Variants in UBE2D3 observed in about 807,000 individuals in gnomAD.
UBE2D3 encodes ubiquitin conjugating enzyme E2 D3, also known as ubiquitin-conjugating enzyme E2 D3.
A neutral mutation model predicts 22.8 loss-of-function variants in UBE2D3; 2 were observed. The observed-to-expected ratio is 0.09, with a 90% CI of 0.04 to 0.28. UBE2D3 has a LOEUF of 0.28. Among genes scored for constraint, UBE2D3 ranks in the 10% least tolerant of loss-of-function variants. UBE2D3 has a pLI of 1.00. For missense variants in UBE2D3, 27 were observed against 182.5 expected (o/e 0.15, Z 4.91); for synonymous variants, 56 against 60.4 (o/e 0.93, Z 0.34).
At chr4:102,860,785 G>T (rs1732858799) in intron 1 of UBE2D3, among the ~76,000 whole-genome samples, 1 of 151,912 alleles carries the variant, frequency 6.6e-6, no homozygotes, top group African/African-American at 2.4e-5. Flanking sequence ...ATCTGCTGGG[G>T]CCTGCATACA....
Position 102,802,508 on chromosome 4 carries a change from C to T in UBE2D3, c.198+53G>A, listed in dbSNP as rs150472000. 4.0e-4 allele frequency: 582 copies of T among 1,467,426 alleles called. 3 individuals carry two copies. The African/African-American group carries it at 7.0e-3, about 18-fold the overall frequency. The allele number at this position is 1,467,426 out of a possible 1,614,324, so 90.9% of individuals were successfully genotyped here. A position where few individuals can be genotyped will look rare whatever the true frequency, so the allele number is the denominator to read the frequency against. Reference sequence around the variant, plus strand: ...CCTATCTTCCAAGAATGCTCTATTCCTTTGAAATAAAGCATAAATCTATAC... The same window carrying T: ...CCTATCTTCCAAGAATGCTCTATTCTTTTGAAATAAAGCATAAATCTATAC... On this transcript the variant is annotated intron_variant, in intron 5 of 7. Transcript: ENST00000453744.
chr4:102,824,845 G>A (rs1398708786), intron 2 of UBE2D3, among the ~76,000 whole-genome samples: 2 of 152,292 alleles, frequency 1.3e-5, no homozygotes, highest in African/African-American at 4.8e-5. Flanking sequence ...CATACAACTA[G>A]GCTTCTCCAA....
Position 102,826,425 on chromosome 4 carries a change from C to T in UBE2D3, c.24+60G>A, listed in dbSNP as rs576180929. On this transcript the variant is annotated intron_variant, in intron 2 of 7. Coordinates refer to ENST00000453744, the MANE Select transcript of UBE2D3 (RefSeq NM_181891.3). The stretch of plus-strand genomic sequence containing the variant: ...TGCTTCCTTCCCACCCCCACGCTTT[C>T]CTCTTGGCCCGAGCCTTCCTTTTCT... 32 of 1,604,618 alleles carry T rather than the reference C, an allele frequency of 2.0e-5. 1 individual carries two copies. The highest frequency in any genetic ancestry group is 1.7e-4 in the Middle Eastern group (1 of 6,002).
At chr4:102,827,092 G>A (rs1730656769) in intron 1 of UBE2D3, 5 of 988,864 alleles carry the variant, frequency 5.1e-6, no homozygotes, top group South Asian at 4.5e-5. Flanking sequence ...GAGACTTGAT[G>A]TGTATTGCTA....
At chr4:102,827,982 C>A (rs1730854587), upstream of UBE2D3, 1 of 985,386 alleles carries the variant, frequency 1.0e-6, no homozygotes, top group Admixed American at 6.1e-5. Context: ...AACTTCGTGG[C>A]TGGCTAACCG....
At chr4:102,868,530 T>G (rs900448815) in intron 1 of UBE2D3, among the ~76,000 whole-genome samples, 3 of 152,178 alleles carry the variant, frequency 2.0e-5, no homozygotes, top group African/African-American at 7.2e-5. Context: ...CCTGGTTTAG[T>G]TAAAATATTT....
chr4:102,798,046 T>A (rs72939657), intron 7 of UBE2D3, among the ~76,000 whole-genome samples: 1 of 151,622 alleles, frequency 6.6e-6, no homozygotes, highest in Non-Finnish European at 1.5e-5. Flanking sequence ...TTCATCAGAA[T>A]CACGTGTTAC....
chr4:102,802,322 G>A lies in UBE2D3; in HGVS notation c.198+239C>T, dbSNP rs77317392. ...GTGTAACAATAATACAGATGAGGGC[G>A]GAAGCTTCCACATGGTCTGAATCTT... On this transcript the variant is annotated intron_variant, in intron 5 of 7. Transcript: ENST00000453744. 2.1e-3 allele frequency: 663 copies of A among 321,868 alleles called. 1 individual carries two copies. The highest frequency in any genetic ancestry group is 2.2e-3 in the Non-Finnish European group (388 of 177,410). 19.9% of individuals were successfully genotyped at this position (321,868 alleles called of 1,614,324 possible).
At chr4:102,834,585 A>G (rs1431007885) in intron 1 of UBE2D3, among the ~76,000 whole-genome samples, 2 of 151,948 alleles carry the variant, frequency 1.3e-5, no homozygotes, top group African/African-American at 2.4e-5. Context: ...CCCTGTCTGT[A>G]CAGAAAATAA....
chr4:102,850,004 A>G (rs1232490721), intron 1 of UBE2D3, among the ~76,000 whole-genome samples: 3 of 152,246 alleles, frequency 2.0e-5, no homozygotes, highest in Non-Finnish European at 4.4e-5. Flanking sequence ...ATGCACCATA[A>G]TTGGTTAATA....
intron 1 of UBE2D3, among the ~76,000 whole-genome samples, chr4:102,843,134 A>G (rs1731853122): frequency 6.6e-6 from 1 of 152,158 alleles, no homozygotes; most frequent in Non-Finnish European, 1.5e-5. Context: ...TGAGTGGGGT[A>G]GGGCCCAGAC....
chr4:102,809,712 A>AG lies in UBE2D3; in HGVS notation c.89-10dup. 1.2e-6 allele frequency: 2 copies of AG among 1,612,958 alleles called. No individual in the cohort carries two copies. Among genetic ancestry groups the AG allele is most frequent in the Non-Finnish European group, 8.5e-7 (1 of 1,179,704 alleles). Reference sequence around the variant, plus strand: ...GGCTTGCCAATGAAACACTAGAAAAAGAAAAAAAACTCTGGTTATCTAAAA... The same window carrying AG: ...GGCTTGCCAATGAAACACTAGAAAAAGGAAAAAAAACTCTGGTTATCTAAAA... On this transcript the variant is annotated splice_polypyrimidine_tract_variant and intron_variant, in intron 3 of 7. Transcript: ENST00000453744.
chr4:102,819,496 A>C, intron 2 of UBE2D3: 1 of 926,968 alleles, frequency 1.1e-6, no homozygotes, highest in Middle Eastern at 5.6e-4. Context: ...CTTTCTTTCA[A>C]TGACAGCCAG....
intron 2 of UBE2D3, 77 bp from the exon 3 acceptor site, chr4:102,809,932 T>C (rs1164416182): frequency 2.1e-6 from 3 of 1,417,068 alleles, no homozygotes; most frequent in African/African-American, 2.8e-5. Flanking sequence ...CTGCTTTCAG[T>C]TACTTTCACC....
At chr4:102,857,030 C>A (rs549928674) in intron 1 of UBE2D3, among the ~76,000 whole-genome samples, 2 of 152,096 alleles carry the variant, frequency 1.3e-5, no homozygotes, top group South Asian at 4.1e-4. Flanking sequence ...CACAGAGTGA[C>A]CCCTAATGTT....
At chr4:102,807,933 C>T (rs556613346) in intron 4 of UBE2D3, among the ~76,000 whole-genome samples, 1 of 152,304 alleles carries the variant, frequency 6.6e-6, no homozygotes, top group East Asian at 1.9e-4. Flanking sequence ...GTTTATTCTG[C>T]ACACCATCCA....
intron 2 of UBE2D3, among the ~76,000 whole-genome samples, chr4:102,816,648 T>C (rs1448260587): frequency 1.3e-5 from 2 of 152,248 alleles, no homozygotes; most frequent in Non-Finnish European, 2.9e-5. Flanking sequence ...AAACACAATT[T>C]AGTTTTTGAG....
At chr4:102,815,155 T>G (rs1034613593) in intron 2 of UBE2D3, among the ~76,000 whole-genome samples, 1 of 152,132 alleles carries the variant, frequency 6.6e-6, no homozygotes, top group Non-Finnish European at 1.5e-5. Flanking sequence ...GTGATTCTCC[T>G]GCCTCAGCCT....
chr4:102,829,798 G>A (rs987796478), upstream of UBE2D3, among the ~76,000 whole-genome samples: 1 of 152,168 alleles, frequency 6.6e-6, no homozygotes, highest in Non-Finnish European at 1.5e-5. Flanking sequence ...AATTAGCTGG[G>A]CGTAGTGGCG....
Sources: gnomAD v4.1 joint callset for allele counts (sites outside exome capture counted in the v4.1 genomes callset) on GRCh38, gnomAD v4.1.1 for gene constraint, MANE v1.5 for transcripts, NCBI Gene and HGNC (gene_info 2026-07-23, HGNC 2026-07-21) for gene names.